NCS1: variants seen among roughly 807,000 people sequenced by gnomAD.
The protein encoded by NCS1 is neuronal calcium sensor 1.
A neutral mutation model predicts 28.4 loss-of-function variants in NCS1; 6 were observed. The observed-to-expected ratio is 0.21, with a 90% CI of 0.12 to 0.42. NCS1 has a LOEUF of 0.42. Ranked by LOEUF, NCS1 falls within the 10% of genes least tolerant of loss-of-function variation. NCS1 has a pLI of 1.00. For synonymous variants in NCS1, 86 were observed against 99.3 expected, an observed-to-expected ratio of 0.87 and a Z score of 0.79; for missense variants, 131 against 241.4, an observed-to-expected ratio of 0.54 and a Z score of 3.03.
intron 4 of NCS1, among the ~76,000 whole-genome samples, chr9:130,220,355 C>A (rs1376391909): frequency 3.3e-5 from 5 of 152,216 alleles, no homozygotes; most frequent in Admixed American, 3.3e-4. Context: ...TGGGTCCCTG[C>A]TCTCAGGGCG....
At chr9:130,184,645 T>G (rs1330775860) in intron 1 of NCS1, among the ~76,000 whole-genome samples, 1 of 152,126 alleles carries the variant, frequency 6.6e-6, no homozygotes, top group Non-Finnish European at 1.5e-5. Context: ...TTTTTTGTTT[T>G]GAGACAGAGT....
At chr9:130,211,522 G>T (rs548444619) in intron 2 of NCS1, among the ~76,000 whole-genome samples, 4 of 151,596 alleles carry the variant, frequency 2.6e-5, no homozygotes, top group Admixed American at 2.6e-4. Context: ...TCCACTGTGG[G>T]TCTGGAATCA....
At chr9:130,176,198 T>TTTC (rs1588106005) in intron 1 of NCS1, among the ~76,000 whole-genome samples, 16 of 57,250 alleles carry the variant, frequency 2.8e-4, no homozygotes, top group East Asian at 9.3e-4. Context: ...TTCTTTCTTT[T>TTTC]TTTTTTTTTT....
chr9:130,217,686 T>C, intron 2 of NCS1, 146 bp from the exon 3 acceptor site: 1 of 1,160,826 alleles, frequency 8.6e-7, no homozygotes, highest in Non-Finnish European at 1.3e-6. Context: ...ACTGCGCCTG[T>C]GCCTATCAAG....
intron 1 of NCS1, among the ~76,000 whole-genome samples, chr9:130,185,901 G>A (rs1175086943): frequency 6.6e-6 from 1 of 152,266 alleles, no homozygotes; most frequent in Non-Finnish European, 1.5e-5. Flanking sequence ...AGCGCAACAT[G>A]ATCTCAATTA....
intron 1 of NCS1, among the ~76,000 whole-genome samples, chr9:130,194,775 G>T (rs1427796881): frequency 6.6e-6 from 1 of 152,240 alleles, no homozygotes; most frequent in Non-Finnish European, 1.5e-5. Context: ...TTTGGTACGA[G>T]CCTGGGCCTG....
intron 1 of NCS1, among the ~76,000 whole-genome samples, chr9:130,193,075 C>T (rs941229094): frequency 2.0e-5 from 3 of 152,192 alleles, no homozygotes; most frequent in Admixed American, 2.0e-4. Flanking sequence ...GGGGTGGGCC[C>T]GGTGTGGGGG....
intron 1 of NCS1, among the ~76,000 whole-genome samples, chr9:130,174,353 C>T (rs919810990): frequency 1.3e-5 from 2 of 152,170 alleles, no homozygotes; most frequent in African/African-American, 2.4e-5. Context: ...ATTAGCACCT[C>T]GACTCTGCCA....
rs542357142 is a variant in NCS1 at position 130,233,828 on chromosome 9, T to C, written c.*856T>C. On this transcript the variant is annotated 3_prime_UTR_variant, in exon 8 of 8. Coordinates refer to ENST00000372398, the MANE Select transcript of NCS1 (RefSeq NM_014286.4). This position sits in a 1 kb window ranked among gnomAD's most constrained non-coding sequence, Gnocchi z 4.8. ...TTTTTTTCAGATACTGTGCTTGATTTTTGGAGAGGGGAGAGGTGGAAATTC... is the reference window on the plus strand; with the variant it reads ...TTTTTTTCAGATACTGTGCTTGATTCTTGGAGAGGGGAGAGGTGGAAATTC... The C allele has an allele frequency of 6.6e-6, 1 of 152,118 alleles. No individual in the cohort carries two copies. Among genetic ancestry groups the C allele is most frequent in the Non-Finnish European group, 1.5e-5 (1 of 68,014 alleles). 9.4% of individuals were successfully genotyped at this position (152,118 alleles called of 1,614,324 possible).
intron 6 of NCS1, among the ~76,000 whole-genome samples, chr9:130,225,863 A>G (rs1433883250): frequency 6.6e-6 from 1 of 151,872 alleles, no homozygotes; most frequent in African/African-American, 2.4e-5. Flanking sequence ...TGCTCCGGGG[A>G]AGGGATTCTG....
intron 1 of NCS1, among the ~76,000 whole-genome samples, 193 bp from the exon 2 acceptor site, chr9:130,200,765 G>C (rs1001823527): frequency 1.3e-5 from 2 of 152,210 alleles, no homozygotes; most frequent in Non-Finnish European, 2.9e-5. Context: ...GTCCCCTGCT[G>C]GGGTGGTGGG....
intron 1 of NCS1, among the ~76,000 whole-genome samples, chr9:130,198,663 C>T (rs782472657): frequency 5.3e-5 from 8 of 152,148 alleles, no homozygotes; most frequent in African/African-American, 1.2e-4. Flanking sequence ...AGCTGAGGAG[C>T]GGCAAGCACT....
chr9:130,217,786 T>C (rs1833210001), intron 2 of NCS1, 46 bp from the exon 3 acceptor site: 1 of 1,613,412 alleles, frequency 6.2e-7, no homozygotes, highest in Non-Finnish European at 8.5e-7. Context: ...GGGTGGGTGA[T>C]GTTGGCGTCT....
chr9:130,172,513 C>A lies in NCS1; in HGVS notation c.-151C>A, dbSNP rs1554904153. ...GGGCCTGCCCAGCGGCCGCCCCACG[C>A]CCCGGGCGCCCCGGCGCCGACAGCC... On this transcript the variant is annotated 5_prime_UTR_variant, in exon 1 of 8. Coordinates refer to ENST00000372398, the MANE Select transcript of NCS1 (RefSeq NM_014286.4). 3 of 187,000 alleles carry A rather than the reference C, an allele frequency of 1.6e-5. No individual in the cohort carries two copies. The highest frequency in any genetic ancestry group is 3.6e-4 in the South Asian group (2 of 5,616). The allele number at this position is 187,000 out of a possible 1,614,324, so 11.6% of individuals were successfully genotyped here.
In NCS1 at chr9:130,186,772, T is replaced by G. The variant is rs1832743907; in HGVS notation, c.64+14045T>G. On this transcript the variant is annotated intron_variant, in intron 1 of 7. Coordinates refer to ENST00000372398, the MANE Select transcript of NCS1 (RefSeq NM_014286.4). This position sits in a 1 kb window ranked among gnomAD's most constrained non-coding sequence, Gnocchi z 4.1. The stretch of plus-strand genomic sequence containing the variant: ...AGGAGGTGTCAAGGTTTGGCAACTC[T>G]GGGGACATGAAATTGCACGGTGACT... 6.6e-6 allele frequency among the ~76,000 whole-genome samples: 1 copy of G among 152,168 alleles called. No individual in the cohort carries two copies. Among genetic ancestry groups the G allele is most frequent in the African/African-American group, 2.4e-5 (1 of 41,440 alleles).
rs1294622763 is a variant in NCS1 at position 130,226,100 on chromosome 9, T to G, written c.475-289T>G. Among the ~76,000 whole-genome samples the G allele has an allele frequency of 6.6e-6, 1 of 152,212 alleles. No individual in the cohort carries two copies. Among genetic ancestry groups the G allele is most frequent in the African/African-American group, 2.4e-5 (1 of 41,442 alleles). Reference sequence around the variant, plus strand: ...TGACACGTGTGGAGTTACAGGGCACTTCCAGTTGGTCAAGCACAGAGCTGT... The same window carrying G: ...TGACACGTGTGGAGTTACAGGGCACGTCCAGTTGGTCAAGCACAGAGCTGT... On this transcript the variant is annotated intron_variant, in intron 6 of 7. Transcript: ENST00000372398. The surrounding 1 kb of genome is among the most constrained non-coding windows in gnomAD (Gnocchi z 4.8).
At chr9:130,220,668 A>G (rs1295662045) in intron 4 of NCS1, among the ~76,000 whole-genome samples, 1 of 152,056 alleles carries the variant, frequency 6.6e-6, no homozygotes, top group Non-Finnish European at 1.5e-5. Context: ...CCAGCTGGCC[A>G]GAACTCCCTG....
Position 130,176,169 on chromosome 9 carries a change from TCTTTCTTTCTTTCTTTC to T in NCS1, c.64+3443_64+3459del, listed in dbSNP as rs782160826. 4.6e-4 allele frequency among the ~76,000 whole-genome samples: 49 copies of T among 105,612 alleles called. 2 individuals are homozygous for T. The highest frequency in any genetic ancestry group is 1.4e-3 in the African/African-American group (33 of 23,816). 69.3% of individuals were successfully genotyped at this position (105,612 alleles called of 152,430 possible). A position where few individuals can be genotyped will look rare whatever the true frequency, so the allele number is the denominator to read the frequency against. On this transcript the variant is annotated intron_variant, in intron 1 of 7. Coordinates refer to ENST00000372398, the MANE Select transcript of NCS1 (RefSeq NM_014286.4). ...TTCTTTCTTTCTTTCTTTCTTTCTT[TCTTTCTTTCTTTCTTTC>T]TTTCTTTCTTTTTTTTTTTTTTTGG... is the stretch of plus-strand genomic sequence containing the variant.
rs782601932 is a variant in NCS1 at position 130,180,111 on chromosome 9, T to G, written c.64+7384T>G. Among the ~76,000 whole-genome samples the G allele has an allele frequency of 6.6e-6, 1 of 152,194 alleles. No homozygotes were observed. On this transcript the variant is annotated intron_variant, in intron 1 of 7. Transcript: ENST00000372398. The surrounding 1 kb of genome is among the most constrained non-coding windows in gnomAD (Gnocchi z 4.5). ...GTGCAGTGGCGCGATCTCGGCTCAC[T>G]ATAATCGCCACCTCCCGGGTTCAAG...
Sources: gnomAD v4.1 joint callset for allele counts (sites outside exome capture counted in the v4.1 genomes callset) on GRCh38, gnomAD v4.1.1 for gene constraint, Gnocchi (gnomAD v3.1) non-coding constraint, MANE v1.5 for transcripts, NCBI Gene and HGNC (gene_info 2026-07-23, HGNC 2026-07-21) for gene names.